TNN: variants seen among roughly 807,000 people sequenced by gnomAD.
TNN encodes the protein tenascin N.
A neutral mutation model predicts 134.4 loss-of-function variants in TNN; 122 were observed. The ratio of observed to expected loss-of-function variants is 0.91; its 90% CI spans 0.78 to 1.06. TNN has a LOEUF of 1.06. Ranked by LOEUF, TNN falls within the 50% of genes least tolerant of loss-of-function variation. The pLI is 0.00. For missense variants in TNN, 1,739 were observed against 1,699.4 expected, an observed-to-expected ratio of 1.02 and a Z score of -0.41; for synonymous variants, 710 against 670.3, an observed-to-expected ratio of 1.06 and a Z score of -0.91.
At chr1:175,099,804 T>C (rs1009532132) in intron 9 of TNN, among the ~76,000 whole-genome samples, 3 of 152,156 alleles carry the variant, frequency 2.0e-5, no homozygotes, top group African/African-American at 7.2e-5. Flanking sequence ...GACTCGGTCA[T>C]GAAGCACTTC....
In TNN at chr1:175,136,804, C is replaced by T. The variant is rs1399532775; in HGVS notation, c.3428-17C>T. The T allele has an allele frequency of 1.2e-6, 2 of 1,610,944 alleles. No homozygotes were observed. The highest frequency in any genetic ancestry group is 1.7e-6 in the Non-Finnish European group (2 of 1,177,990). ...CATGGGTTGATTGATTATTGGAATT[C>T]CGTTTTTTATTTTTAGGACTTGACA... On this transcript the variant is annotated splice_polypyrimidine_tract_variant and intron_variant, in intron 16 of 18. Transcript: ENST00000239462.
chr1:175,071,735 T>G (rs1387586055), intron 1 of TNN, among the ~76,000 whole-genome samples: 1 of 152,204 alleles, frequency 6.6e-6, no homozygotes, highest in Non-Finnish European at 1.5e-5. Context: ...TTTGGCAAAT[T>G]ACTTAACTTC....
chr1:175,098,896 T>C (rs1674645097), intron 9 of TNN, among the ~76,000 whole-genome samples: 1 of 152,150 alleles, frequency 6.6e-6, no homozygotes. Flanking sequence ...GAGTAAATAT[T>C]AAGAAGTAAC....
In TNN at chr1:175,094,004, A is replaced by G. The variant is rs754410198; in HGVS notation, c.1339A>G (p.Thr447Ala). The G allele has an allele frequency of 1.2e-6, 2 of 1,601,770 alleles. No homozygotes were observed. Among genetic ancestry groups the G allele is most frequent in the Non-Finnish European group, 1.7e-6 (2 of 1,170,536 alleles). The change falls in exon 7 of 19, where the codon ACC becomes GCC. Residue 447 changes from threonine (T) to alanine (A), a missense_variant. By Grantham distance (58) the Thr-to-Ala change is moderately conservative (BLOSUM62 0). Coordinates refer to ENST00000239462, the MANE Select transcript of TNN (RefSeq NM_022093.2). ...LNGRTEIDSP[T>A]NVVTDRVTED... ...TTTTTATGAAGAAATTGACAGTCCA[A>G]CCAATGTTGTCACTGATCGAGTGAC...
chr1:175,082,530 A>T (rs535086037), intron 4 of TNN, among the ~76,000 whole-genome samples: 2 of 152,146 alleles, frequency 1.3e-5, no homozygotes, highest in African/African-American at 4.8e-5. Flanking sequence ...AGGGAATTCC[A>T]TCTTTAATGG....
chr1:175,127,935 C>A (rs1389885649), intron 13 of TNN, 97 bp from the exon 14 acceptor site: 58 of 1,447,228 alleles, frequency 4.0e-5, no homozygotes, highest in Non-Finnish European at 5.4e-5. Context: ...TCTCAGAGAG[C>A]TTCTGTCATT....
At chr1:175,116,795 T>A in intron 9 of TNN, 144 bp from the exon 10 acceptor site, 1 of 1,129,406 alleles carries the variant, frequency 8.9e-7, no homozygotes, top group South Asian at 1.3e-5. Flanking sequence ...GGATAAGGTC[T>A]ATATCCATGA....
intron 2 of TNN, among the ~76,000 whole-genome samples, chr1:175,078,320 G>T (rs926459630): frequency 2.6e-5 from 4 of 152,124 alleles, no homozygotes; most frequent in Non-Finnish European, 4.4e-5. Context: ...ATGTGTAGAA[G>T]ATTCCTGGCC....
chr1:175,135,962 A>AGGCTGG (rs1375558548), intron 16 of TNN, 21 bp downstream of exon 16: 1 of 1,568,108 alleles, frequency 6.4e-7, no homozygotes, highest in Admixed American at 1.7e-5. Flanking sequence ...AGAATCCAGG[A>AGGCTGG]GGCTGGGGCT....
intron 2 of TNN, among the ~76,000 whole-genome samples, chr1:175,078,714 C>T (rs969432421): frequency 6.6e-6 from 1 of 152,212 alleles, no homozygotes; most frequent in Non-Finnish European, 1.5e-5. Context: ...ACTGCACTAA[C>T]CAGTCTGCCC....
intron 7 of TNN, among the ~76,000 whole-genome samples, chr1:175,097,160 A>G (rs544809937): frequency 1.9e-4 from 29 of 152,208 alleles, no homozygotes; most frequent in Non-Finnish European, 3.2e-4. Flanking sequence ...TTTTATCCCA[A>G]AGCGACTTCC....
intron 12 of TNN, among the ~76,000 whole-genome samples, chr1:175,126,221 C>T (rs1426999282): frequency 6.6e-6 from 1 of 150,650 alleles, no homozygotes. Context: ...CCTGCCTCAG[C>T]CTCCCGAGTA....
intron 15 of TNN, 77 bp from the exon 16 acceptor site, chr1:175,135,768 G>A (rs1558374148): frequency 1.7e-6 from 2 of 1,165,996 alleles, no homozygotes; most frequent in South Asian, 1.2e-5. Context: ...GTATGAGCAA[G>A]CTCTTGGTCT....
rs746166017 is a variant in TNN at position 175,077,700 on chromosome 1, G to A, written c.282G>A (p.Thr94=). ...TCAGGCACAACATCCGCCTTCAGAC[G>A]CCACAGAAGGACTGCGAGTTGGCAG... The part of the protein sequence containing the change: ...IIFRHNIRLQ[T]PQKDCELAGS... Residue 94 remains threonine, a synonymous_variant, in exon 2 of 19, where the codon ACG becomes ACA. Transcript: ENST00000239462. The A allele has an allele frequency of 6.2e-7, 1 of 1,614,218 alleles. No homozygotes were observed. The highest frequency in any genetic ancestry group is 8.5e-7 in the Non-Finnish European group (1 of 1,180,036).
At chr1:175,082,084 C>G (rs1175545449) in intron 4 of TNN, among the ~76,000 whole-genome samples, 1 of 152,190 alleles carries the variant, frequency 6.6e-6, no homozygotes, top group Non-Finnish European at 1.5e-5. Flanking sequence ...GGTTTATGTT[C>G]AATAGGAGAC....
chr1:175,068,032 G>A (rs1356448365), intron 1 of TNN, 97 bp downstream of exon 1: 13 of 434,392 alleles, frequency 3.0e-5, no homozygotes, highest in South Asian at 2.0e-4. Flanking sequence ...CTCCGTTCCC[G>A]AGCCTGAAAA....
intron 8 of TNN, 115 bp from the exon 9 acceptor site, chr1:175,098,217 A>G (rs1674620654): frequency 6.9e-7 from 1 of 1,448,928 alleles, no homozygotes. Flanking sequence ...TCAGGATGAG[A>G]ATGCCATTGC....
At chr1:175,105,774 C>A (rs1171347447) in intron 9 of TNN, among the ~76,000 whole-genome samples, 2 of 145,206 alleles carry the variant, frequency 1.4e-5, no homozygotes, top group African/African-American at 5.0e-5. Context: ...AAGGGTGAAC[C>A]TGTTGATGCC....
intron 15 of TNN, among the ~76,000 whole-genome samples, chr1:175,133,978 C>T (rs943213297): frequency 2.6e-5 from 4 of 152,188 alleles, no homozygotes; most frequent in Non-Finnish European, 5.9e-5. Flanking sequence ...CTCCCACCTA[C>T]AGCCTTTTGG....
Sources: gnomAD v4.1 joint callset for allele counts (sites outside exome capture counted in the v4.1 genomes callset) on GRCh38, gnomAD v4.1.1 for gene constraint, MANE v1.5 for transcripts, NCBI Gene and HGNC (gene_info 2026-07-23, HGNC 2026-07-21) for gene names.